Variants in FYCO1 observed in about 807,000 individuals in gnomAD.
FYCO1 encodes FYVE and coiled-coil domain autophagy adaptor 1.
A neutral mutation model predicts 165.1 loss-of-function variants in FYCO1; 122 were observed. The ratio of observed to expected loss-of-function variants is 0.74; its 90% CI spans 0.64 to 0.86. The LOEUF (loss-of-function observed/expected upper bound fraction) is 0.86. Among genes scored for constraint, FYCO1 ranks in the 40% least tolerant of loss-of-function variants. FYCO1 has a pLI of 0.00. For synonymous variants in FYCO1, 648 were observed against 742.5 expected (o/e 0.87, Z 2.07); for missense variants, 1,702 against 1,810.3 (o/e 0.94, Z 1.09).
At chr3:45,953,364 T>C (rs1350466872) in intron 14 of FYCO1, among the ~76,000 whole-genome samples, 4 of 152,218 alleles carry the variant, frequency 2.6e-5, no homozygotes, top group Admixed American at 2.0e-4. Context: ...AAATTCTTTC[T>C]TGAGGTTCTG....
intron 15 of FYCO1, among the ~76,000 whole-genome samples, chr3:45,934,149 G>A (rs1047796682): frequency 6.6e-6 from 1 of 152,128 alleles, no homozygotes; most frequent in Non-Finnish European, 1.5e-5. Context: ...AATCTACAAG[G>A]CAAGGACAAA....
intron 14 of FYCO1, 70 bp downstream of exon 14, chr3:45,955,179 C>A: frequency 1.3e-6 from 2 of 1,556,032 alleles, no homozygotes; most frequent in Non-Finnish European, 1.8e-6. Context: ...CTTTCCTCAT[C>A]CTTTGATAAG....
intron 17 of FYCO1, among the ~76,000 whole-genome samples, chr3:45,923,301 C>T (rs1451714460): frequency 1.3e-5 from 2 of 152,206 alleles, no homozygotes; most frequent in Non-Finnish European, 2.9e-5. Flanking sequence ...TTGGGCAGGG[C>T]AGTGGCAGAG....
intron 2 of FYCO1, among the ~76,000 whole-genome samples, 174 bp from the exon 3 acceptor site, chr3:45,981,850 A>G (rs1323357503): frequency 6.6e-6 from 1 of 152,210 alleles, no homozygotes; most frequent in Non-Finnish European, 1.5e-5. Context: ...GAGTGTTGAA[A>G]TGTCCTGAGA....
chr3:45,976,099 T>A (rs1437102287), intron 4 of FYCO1, among the ~76,000 whole-genome samples: 1 of 152,168 alleles, frequency 6.6e-6, no homozygotes, highest in African/African-American at 2.4e-5. Context: ...CCAGTCACAC[T>A]GGGCTAAGGA....
intron 1 of FYCO1, among the ~76,000 whole-genome samples, chr3:45,988,388 T>G (rs1045205680): frequency 6.6e-6 from 1 of 152,198 alleles, no homozygotes; most frequent in African/African-American, 2.4e-5. Context: ...GCTTGCCCTT[T>G]CATTGAGGGA....
intron 4 of FYCO1, 120 bp downstream of exon 4, chr3:45,979,585 T>C: frequency 8.0e-7 from 1 of 1,252,204 alleles, no homozygotes; most frequent in Non-Finnish European, 1.2e-6. Flanking sequence ...GGACTAGATT[T>C]CTTTACCACC....
chr3:45,956,688 G>A (rs567180808), intron 13 of FYCO1, among the ~76,000 whole-genome samples: 1 of 152,240 alleles, frequency 6.6e-6, no homozygotes, highest in South Asian at 2.1e-4. Flanking sequence ...TTGTAAGGCT[G>A]GCAGAGGGAA....
chr3:45,943,496 T>C (rs1704372137), intron 14 of FYCO1: 1 of 152,224 alleles, frequency 6.6e-6, no homozygotes, highest in Non-Finnish European at 1.5e-5. Context: ...CCTTGCTTCA[T>C]GAGCAAGCTC....
rs1287722968 is a variant in FYCO1, at chr3:45,964,064, T to C, written c.3269+272A>G. Among the ~76,000 whole-genome samples the C allele has an allele frequency of 1.3e-5, 2 of 152,238 alleles. No homozygotes were observed. Among genetic ancestry groups the C allele is most frequent in the Admixed American group, 6.5e-5 (1 of 15,288 alleles). On this transcript the variant is annotated intron_variant, in intron 10 of 17. Transcript: ENST00000296137. This position sits in a 1 kb window ranked among gnomAD's most constrained non-coding sequence, Gnocchi z 4.1. ...CTAACTTTTATTTCATTTTAGTTTT[T>C]CCAAAGCTTGCAGTTACTGAAGTAT...
intron 13 of FYCO1, 23 bp from the exon 14 acceptor site, chr3:45,955,416 G>A (rs760028977): frequency 1.9e-5 from 30 of 1,613,804 alleles, no homozygotes; most frequent in Non-Finnish European, 2.5e-5. Flanking sequence ...GGCAGATCAG[G>A]AGAGAAGAGA....
intron 16 of FYCO1, among the ~76,000 whole-genome samples, chr3:45,927,735 C>G (rs1036444367): frequency 7.2e-5 from 11 of 152,222 alleles, no homozygotes; most frequent in Non-Finnish European, 1.6e-4. Flanking sequence ...TTCTGTGATC[C>G]ACAACCTAAC....
intron 1 of FYCO1, among the ~76,000 whole-genome samples, chr3:45,991,675 G>GCCTTACCCACAGCCTCCTTCAC (rs1553628377): frequency 6.6e-6 from 1 of 152,066 alleles, no homozygotes; most frequent in Admixed American, 6.6e-5. Context: ...TCCCGAGGAA[G>GCCTTACCCACAGCCTCCTTCAC]CCTTACCCAC....
intron 14 of FYCO1, among the ~76,000 whole-genome samples, chr3:45,943,975 T>TA (rs1468680759): frequency 1.3e-5 from 2 of 152,140 alleles, no homozygotes; most frequent in East Asian, 1.9e-4. Context: ...AAAACTATTT[T>TA]AAAAAAAGGA....
At position 45,929,621 on chromosome 3, in the gene FYCO1, G is replaced by A. The variant is rs115452717; in HGVS notation, c.4251+1450C>T. On this transcript the variant is annotated intron_variant, in intron 16 of 17. Coordinates refer to ENST00000296137, the MANE Select transcript of FYCO1 (RefSeq NM_024513.4). ...TGTTGGCCGCACCAGGACCTCCTGG[G>A]TGGGGGCTCAGAACTGCTCAAGAAG... Among the ~76,000 whole-genome samples the A allele has an allele frequency of 6.1e-3, 934 of 152,326 alleles. 9 individuals carry two copies. Among genetic ancestry groups the A allele is most frequent in the African/African-American group, 0.021 (883 of 41,560 alleles).
intron 2 of FYCO1, among the ~76,000 whole-genome samples, chr3:45,983,855 T>A (rs1156334741): frequency 6.6e-6 from 1 of 152,258 alleles, no homozygotes; most frequent in Non-Finnish European, 1.5e-5. Context: ...CATGAAATTG[T>A]TAGCTATCAG....
At chr3:45,949,772 G>A (rs1032276201) in intron 14 of FYCO1, among the ~76,000 whole-genome samples, 1 of 152,084 alleles carries the variant, frequency 6.6e-6, no homozygotes, top group African/African-American at 2.4e-5. Flanking sequence ...TCCCTGCACT[G>A]GCCTTTTGTA....
chr3:45,921,631 C>T lies in FYCO1; in HGVS notation c.*134G>A. On this transcript the variant is annotated 3_prime_UTR_variant, in exon 18 of 18. Coordinates refer to ENST00000296137, the MANE Select transcript of FYCO1 (RefSeq NM_024513.4). ...CTGAGCACAAAGTCCTCCCCAGACA[C>T]CGCCTCTGAGGGGCAGCCCAGGGGC... 1 of 713,768 alleles carries T rather than the reference C, an allele frequency of 1.4e-6. No homozygotes were observed. The highest frequency in any genetic ancestry group is 2.9e-4 in the Middle Eastern group (1 of 3,406). 44.2% of individuals were successfully genotyped at this position (713,768 alleles called of 1,614,324 possible). A position where few individuals can be genotyped will look rare whatever the true frequency, so the allele number is the denominator to read the frequency against.
At position 45,918,136 on chromosome 3, in the gene FYCO1, A is replaced by G. The variant is rs1042070664; in HGVS notation, c.*3629T>C. The G allele has an allele frequency of 1.3e-5, 2 of 152,652 alleles. No individual in the cohort carries two copies. The highest frequency in any genetic ancestry group is 4.8e-5 in the African/African-American group (2 of 41,446). The allele number at this position is 152,652 out of a possible 1,614,324, so 9.5% of individuals were successfully genotyped here. On this transcript the variant is annotated 3_prime_UTR_variant, in exon 18 of 18. Transcript: ENST00000296137. ...AGGCCACATGAATTGAGGATTAATC[A>G]ATTAAAGTGCAATTCCAAATGTTGA...
Sources: gnomAD v4.1 joint callset for allele counts (sites outside exome capture counted in the v4.1 genomes callset) on GRCh38, gnomAD v4.1.1 for gene constraint, Gnocchi (gnomAD v3.1) non-coding constraint, MANE v1.5 for transcripts, NCBI Gene and HGNC (gene_info 2026-07-23, HGNC 2026-07-21) for gene names.